Variants in UBE2V2 observed in about 807,000 individuals in gnomAD.
UBE2V2 encodes the protein ubiquitin conjugating enzyme E2 V2, also known as ubiquitin-conjugating enzyme E2 variant 2.
UBE2V2 carries 9 observed loss-of-function variants against 17.2 expected under a neutral mutation model. The observed-to-expected ratio is 0.52, with a 90% CI of 0.32 to 0.91. The LOEUF (loss-of-function observed/expected upper bound fraction) is 0.91. UBE2V2 is among the 40% of genes least tolerant of loss of function. UBE2V2 has a pLI of 0.04. For synonymous variants in UBE2V2, 61 were observed against 57.5 expected (o/e 1.06, Z -0.28); for missense variants, 133 against 182.6 (o/e 0.73, Z 1.56).
intron 2 of UBE2V2, among the ~76,000 whole-genome samples, chr8:48,047,058 C>T (rs946383957): frequency 6.6e-6 from 1 of 151,714 alleles, no homozygotes; most frequent in Admixed American, 6.6e-5. Flanking sequence ...TCTCCTGCCT[C>T]AGGCTCCTGA....
intron 1 of UBE2V2, among the ~76,000 whole-genome samples, chr8:48,013,498 G>A (rs1254536616): frequency 2.0e-5 from 3 of 151,718 alleles, no homozygotes; most frequent in African/African-American, 4.8e-5. Context: ...TTTAGTAGAA[G>A]TGGGGTTTCA....
chr8:48,040,973 T>C (rs1327106311), intron 1 of UBE2V2, among the ~76,000 whole-genome samples: 1 of 144,386 alleles, frequency 6.9e-6, no homozygotes, highest in Non-Finnish European at 1.5e-5. Flanking sequence ...CACACCATTC[T>C]CCTGCCTCAG....
At chr8:48,013,467 C>T (rs1563848096) in intron 1 of UBE2V2, among the ~76,000 whole-genome samples, 1 of 152,036 alleles carries the variant, frequency 6.6e-6, no homozygotes, top group Non-Finnish European at 1.5e-5. Flanking sequence ...GCCACCATGC[C>T]CGGTTAATTT....
chr8:48,056,889 A>G (rs1188967889), intron 3 of UBE2V2, among the ~76,000 whole-genome samples: 1 of 150,660 alleles, frequency 6.6e-6, no homozygotes, highest in Non-Finnish European at 1.5e-5. Flanking sequence ...ACGCCTGGCT[A>G]ATTTTTTGTA....
intron 1 of UBE2V2, among the ~76,000 whole-genome samples, chr8:48,021,266 A>G (rs540196313): frequency 6.9e-6 from 1 of 145,862 alleles, no homozygotes; most frequent in African/African-American, 2.5e-5. Flanking sequence ...TTTAGTAGAG[A>G]CAGGGTTTCA....
intron 1 of UBE2V2, among the ~76,000 whole-genome samples, chr8:48,029,452 A>G (rs1005865541): frequency 6.6e-6 from 1 of 152,218 alleles, no homozygotes; most frequent in Non-Finnish European, 1.5e-5. Flanking sequence ...TCTGGTTGTG[A>G]TTACTGTATG....
intron 1 of UBE2V2, 96 bp downstream of exon 1, chr8:48,008,566 G>T: frequency 6.8e-7 from 1 of 1,466,138 alleles, no homozygotes; most frequent in Non-Finnish European, 9.0e-7. Context: ...TGCGGGAGAA[G>T]CCCGAGTGCG....
intron 2 of UBE2V2, among the ~76,000 whole-genome samples, chr8:48,043,999 A>T (rs187258265): frequency 1.3e-5 from 2 of 151,426 alleles, no homozygotes; most frequent in Admixed American, 1.3e-4. Context: ...GAATCTTTGA[A>T]ATTTGTCTCT....
the UBE2V2 span, among the ~76,000 whole-genome samples, chr8:48,000,142 G>T: frequency 3.9e-4 from 59 of 152,296 alleles, 1 homozygote; most frequent in African/African-American, 1.4e-3. Flanking sequence ...GCAGAAATTG[G>T]GCATAAGACA....
chr8:48,030,686 G>A (rs2091376269), intron 1 of UBE2V2, among the ~76,000 whole-genome samples: 1 of 151,862 alleles, frequency 6.6e-6, no homozygotes, highest in African/African-American at 2.4e-5. Context: ...GTGTACTCCA[G>A]CCTGGGTGAC....
the UBE2V2 span, among the ~76,000 whole-genome samples, chr8:47,998,288 A>G: frequency 1.3e-5 from 2 of 152,138 alleles, no homozygotes; most frequent in African/African-American, 2.4e-5. Context: ...GCAGACTGAA[A>G]GGCTCCTATT....
At chr8:48,022,197 A>G (rs1589852886) in intron 1 of UBE2V2, among the ~76,000 whole-genome samples, 1 of 148,158 alleles carries the variant, frequency 6.7e-6, no homozygotes, top group East Asian at 2.1e-4. Context: ...GAGTGCAATG[A>G]TCTGATCTTG....
chr8:48,034,457 A>G (rs761459550), intron 1 of UBE2V2, among the ~76,000 whole-genome samples: 84 of 152,122 alleles, frequency 5.5e-4, no homozygotes, highest in Admixed American at 8.5e-4. Flanking sequence ...CTCACTCCCA[A>G]TGAATTTTAA....
upstream of UBE2V2, among the ~76,000 whole-genome samples, chr8:48,006,364 T>C (rs1394670719): frequency 6.6e-6 from 1 of 152,194 alleles, no homozygotes; most frequent in Non-Finnish European, 1.5e-5. Context: ...TTCTGTTCCA[T>C]TGATCTATAT....
Position 48,055,135 on chromosome 8 carries a change from G to A in UBE2V2, c.291+5157G>A, listed in dbSNP as rs576571455. Among the ~76,000 whole-genome samples the A allele has an allele frequency of 2.0e-5, 3 of 151,666 alleles. No individual in the cohort carries two copies. The South Asian group carries it at 6.3e-4, about 32-fold the overall frequency. ...CACTCTTTAAAGTGAAAGTGTTAGA[G>A]GAAGCATTTTAAATGTACCTTACCA... On this transcript the variant is annotated intron_variant, in intron 3 of 3. Transcript: ENST00000523111.
chr8:48,012,092 C>G (rs1440270703), intron 1 of UBE2V2, among the ~76,000 whole-genome samples: 1 of 152,158 alleles, frequency 6.6e-6, no homozygotes, highest in Non-Finnish European at 1.5e-5. Context: ...AGGTCTTTTA[C>G]CCTTAGTCTG....
upstream of UBE2V2, among the ~76,000 whole-genome samples, chr8:48,008,028 T>A (rs1273451643): frequency 6.6e-6 from 1 of 151,824 alleles, no homozygotes; most frequent in Non-Finnish European, 1.5e-5. Context: ...TTCAAACGAT[T>A]CTCGTGCCTC....
At chr8:48,043,332 C>T (rs1403804556) in intron 2 of UBE2V2, 151 bp downstream of exon 2, 8 of 621,204 alleles carry the variant, frequency 1.3e-5, no homozygotes, top group Non-Finnish European at 1.7e-5. Context: ...TTCCCACGTG[C>T]AGGATATAAT....
intron 3 of UBE2V2, among the ~76,000 whole-genome samples, chr8:48,056,778 C>T (rs1000322850): frequency 8.5e-5 from 13 of 152,128 alleles, no homozygotes; most frequent in African/African-American, 2.7e-4. Context: ...GGCTGGATTG[C>T]GGTGGTGCGA....
Sources: allele counts gnomAD v4.1 joint callset (sites outside exome capture counted in the v4.1 genomes callset), GRCh38; gene constraint gnomAD v4.1.1; transcripts MANE v1.5; gene names NCBI Gene and HGNC (gene_info 2026-07-23, HGNC 2026-07-21).